Variants in CHCHD3 observed in about 807,000 individuals in gnomAD.
CHCHD3 encodes the protein coiled-coil-helix-coiled-coil-helix domain containing 3, also known as MICOS complex subunit MIC19.
A neutral mutation model predicts 38.2 loss-of-function variants in CHCHD3; 20 were observed. The ratio of observed to expected loss-of-function variants is 0.52; its 90% CI spans 0.37 to 0.76. CHCHD3 has a LOEUF of 0.76. Ranked by LOEUF, CHCHD3 falls within the 30% of genes least tolerant of loss-of-function variation. The pLI, the probability that CHCHD3 is intolerant of heterozygous loss-of-function variation, is 0.00. For missense variants in CHCHD3, 245 were observed against 279.2 expected, an observed-to-expected ratio of 0.88 and a Z score of 0.87; for synonymous variants, 82 against 100.0, an observed-to-expected ratio of 0.82 and a Z score of 1.07.
In CHCHD3 at chr7:132,834,504, C is replaced by G. The variant is rs114931195; in HGVS notation, c.524+3895G>C. On this transcript the variant is annotated intron_variant, in intron 6 of 7. Coordinates refer to ENST00000262570, the MANE Select transcript of CHCHD3 (RefSeq NM_017812.4). Reference sequence around the variant, plus strand: ...CAAGGGCACAGTCCCCAAGATTGCTCTCACTTCTGACACATCAACAGCAAG... The same window carrying G: ...CAAGGGCACAGTCCCCAAGATTGCTGTCACTTCTGACACATCAACAGCAAG... Among the ~76,000 whole-genome samples the G allele has an allele frequency of 4.9e-3, 746 of 152,260 alleles. 5 individuals are homozygous for G. The highest frequency in any genetic ancestry group is 0.017 in the African/African-American group (716 of 41,556).
intron 4 of CHCHD3, among the ~76,000 whole-genome samples, chr7:132,970,626 T>G (rs1811589488): frequency 6.6e-6 from 1 of 152,202 alleles, no homozygotes; most frequent in South Asian, 2.1e-4. Context: ...TGTCTTTTAT[T>G]CATAGATCAT....
chr7:132,837,834 A>G (rs1324573425), intron 6 of CHCHD3, among the ~76,000 whole-genome samples: 2 of 152,212 alleles, frequency 1.3e-5, no homozygotes, highest in African/African-American at 4.8e-5. Flanking sequence ...AAGCTATGGG[A>G]CACGGACACT....
intron 3 of CHCHD3, among the ~76,000 whole-genome samples, chr7:133,017,146 T>C (rs1343720109): frequency 6.6e-6 from 1 of 152,222 alleles, no homozygotes; most frequent in Non-Finnish European, 1.5e-5. Flanking sequence ...TCTAAGTCCC[T>C]AGTCCTAGCT....
At chr7:132,970,786 G>A (rs1317321617) in intron 4 of CHCHD3, among the ~76,000 whole-genome samples, 4 of 151,744 alleles carry the variant, frequency 2.6e-5, no homozygotes, top group Non-Finnish European at 5.9e-5. Flanking sequence ...AAGAAAAGAA[G>A]AGAAAATACT....
At chr7:133,011,415 T>C (rs1812869685) in intron 3 of CHCHD3, among the ~76,000 whole-genome samples, 1 of 152,208 alleles carries the variant, frequency 6.6e-6, no homozygotes. Flanking sequence ...GAAATGGTAA[T>C]GGCTTACACC....
intron 2 of CHCHD3, among the ~76,000 whole-genome samples, chr7:133,049,977 T>C (rs1814103840): frequency 6.6e-6 from 1 of 152,156 alleles, no homozygotes; most frequent in South Asian, 2.1e-4. Flanking sequence ...TTCCTGTCAC[T>C]GTGGGCCAGG....
At chr7:133,019,903 A>T (rs1373382062) in intron 3 of CHCHD3, among the ~76,000 whole-genome samples, 1 of 152,198 alleles carries the variant, frequency 6.6e-6, no homozygotes, top group Non-Finnish European at 1.5e-5. Context: ...AAACTGTAGC[A>T]TATTATGTCC....
chr7:132,869,392 T>C lies in CHCHD3; in HGVS notation c.453+16270A>G, dbSNP rs141677097. On this transcript the variant is annotated intron_variant, in intron 5 of 7. Coordinates refer to ENST00000262570, the MANE Select transcript of CHCHD3 (RefSeq NM_017812.4). ...GAAGTGAAAGCTCAACCAGCTCTGTTCTTTTTTTAAATTTCCCACTCATTA... is the reference window on the plus strand; with the variant it reads ...GAAGTGAAAGCTCAACCAGCTCTGTCCTTTTTTTAAATTTCCCACTCATTA... Among the ~76,000 whole-genome samples, 803 of 152,260 alleles carry C rather than the reference T, an allele frequency of 5.3e-3. 4 individuals are homozygous for C. Among genetic ancestry groups the C allele is most frequent in the African/African-American group, 0.019 (783 of 41,540 alleles).
At chr7:132,818,738 T>A (rs952731330) in intron 6 of CHCHD3, among the ~76,000 whole-genome samples, 2 of 152,228 alleles carry the variant, frequency 1.3e-5, no homozygotes, top group African/African-American at 4.8e-5. Flanking sequence ...ATCAATAACT[T>A]TCCCTTGACA....
chr7:133,043,497 C>T (rs1813889122), intron 2 of CHCHD3, among the ~76,000 whole-genome samples: 1 of 152,050 alleles, frequency 6.6e-6, no homozygotes, highest in South Asian at 2.1e-4. Flanking sequence ...TAAAAATTAG[C>T]TGGGCGTGGT....
rs192381487 is a variant in CHCHD3, at chr7:132,898,548, T to C, written c.370-12803A>G. 6.6e-3 allele frequency among the ~76,000 whole-genome samples: 1,002 copies of C among 152,324 alleles called. 11 individuals carry two copies. Among genetic ancestry groups the C allele is most frequent in the African/African-American group, 0.022 (930 of 41,586 alleles). ...CAGGAGCCCAGCTGGCTTCACCCAG[T>C]GGATCCCGCACCCAGGCTGCAGGTG... is the stretch of plus-strand genomic sequence containing the variant. On this transcript the variant is annotated intron_variant, in intron 4 of 7. Coordinates refer to ENST00000262570, the MANE Select transcript of CHCHD3 (RefSeq NM_017812.4).
Position 133,077,386 on chromosome 7 carries a change from G to A in CHCHD3, c.81+4471C>T, listed in dbSNP as rs555647338. On this transcript the variant is annotated intron_variant, in intron 1 of 7. Coordinates refer to ENST00000262570, the MANE Select transcript of CHCHD3 (RefSeq NM_017812.4). ...CATATTAAGTAATCTCTTCATTTAC[G>A]GTCTCTCAACTGCCAACACTTCCCA... Among the ~76,000 whole-genome samples the A allele has an allele frequency of 1.6e-4, 24 of 152,110 alleles. 1 individual carries two copies. In the South Asian group the frequency reaches 1.7e-3, roughly 11 times the overall value.
intron 4 of CHCHD3, chr7:132,973,131 AAG>A: frequency 3.0e-6 from 3 of 985,364 alleles, no homozygotes; most frequent in Non-Finnish European, 3.6e-6. Flanking sequence ...TCCATAAACT[AAG>A]AGAGTAAGAC....
intron 6 of CHCHD3, among the ~76,000 whole-genome samples, chr7:132,833,333 A>G (rs1585555592): frequency 6.6e-6 from 1 of 152,204 alleles, no homozygotes; most frequent in Non-Finnish European, 1.5e-5. Flanking sequence ...GGATTTGCTC[A>G]GTGATTTAGG....
At chr7:133,015,462 A>C (rs1191682044) in intron 3 of CHCHD3, among the ~76,000 whole-genome samples, 1 of 152,140 alleles carries the variant, frequency 6.6e-6, no homozygotes, top group African/African-American at 2.4e-5. Flanking sequence ...CCTAAGATAA[A>C]AGAATTTTTT....
chr7:132,996,375 T>C (rs1353776366), intron 3 of CHCHD3, among the ~76,000 whole-genome samples: 1 of 152,194 alleles, frequency 6.6e-6, no homozygotes, highest in Non-Finnish European at 1.5e-5. Flanking sequence ...CTCTTTGTTT[T>C]TCCCCATTCA....
chr7:132,929,243 G>C (rs1585647197), intron 4 of CHCHD3, among the ~76,000 whole-genome samples: 1 of 152,102 alleles, frequency 6.6e-6, no homozygotes, highest in Non-Finnish European at 1.5e-5. Context: ...TCTCACTGAG[G>C]CTCATTTCAC....
chr7:133,029,903 G>A (rs1304520287), intron 2 of CHCHD3, among the ~76,000 whole-genome samples: 1 of 151,898 alleles, frequency 6.6e-6, no homozygotes, highest in Non-Finnish European at 1.5e-5. Context: ...CACTCCCATG[G>A]CCACTGAAAA....
chr7:132,798,281 T>C (rs1428215555), intron 6 of CHCHD3, among the ~76,000 whole-genome samples: 5 of 152,198 alleles, frequency 3.3e-5, no homozygotes, highest in Non-Finnish European at 5.9e-5. Context: ...ACCTTACTGC[T>C]TTGTCAAATA....
Sources: allele counts gnomAD v4.1 joint callset (sites outside exome capture counted in the v4.1 genomes callset), GRCh38; gene constraint gnomAD v4.1.1; transcripts MANE v1.5; gene names NCBI Gene and HGNC (gene_info 2026-07-23, HGNC 2026-07-21).